PIGK: variants seen among roughly 807,000 people sequenced by gnomAD.
PIGK encodes GPI-anchor transamidase.
Under a neutral mutation model 50.6 loss-of-function variants are expected in PIGK, and 42 were observed. That is an observed-to-expected ratio of 0.83 (90% CI 0.65 to 1.07). The LOEUF is 1.07. PIGK is among the 50% of genes least tolerant of loss of function. The pLI is 0.00. For missense variants in PIGK, 448 were observed against 488.7 expected, an observed-to-expected ratio of 0.92 and a Z score of 0.78; for synonymous variants, 151 against 156.0, an observed-to-expected ratio of 0.97 and a Z score of 0.24.
At chr1:77,169,621 T>C (rs1005957399) in intron 3 of PIGK, among the ~76,000 whole-genome samples, 14 of 152,178 alleles carry the variant, frequency 9.2e-5, no homozygotes, top group African/African-American at 3.1e-4. Flanking sequence ...GAAGGCACTT[T>C]AATTATTTTT....
At chr1:77,148,738 C>T (rs1654826211) in intron 9 of PIGK, among the ~76,000 whole-genome samples, 1 of 147,558 alleles carries the variant, frequency 6.8e-6, no homozygotes, top group Admixed American at 6.8e-5. Flanking sequence ...TTTTTTGAGA[C>T]AGAGTCTTGC....
In PIGK at chr1:77,145,257, A is replaced by C. The variant is rs1394108592; in HGVS notation, c.986+9192T>G. ...CCATATGTTCAATAATGTAATATAT[A>C]CTATAGTAGGTCCTTTACATTTCCA... On this transcript the variant is annotated intron_variant, in intron 9 of 10. Coordinates refer to ENST00000370812, the MANE Select transcript of PIGK (RefSeq NM_005482.3). 3.9e-5 allele frequency among the ~76,000 whole-genome samples: 6 copies of C among 152,092 alleles called. No homozygotes were observed. The Middle Eastern group carries it at 0.01, about 259-fold the overall frequency.
At chr1:77,161,555 T>A in intron 7 of PIGK, 39 bp downstream of exon 7, 1 of 1,027,898 alleles carries the variant, frequency 9.7e-7, no homozygotes, top group Non-Finnish European at 1.6e-6. Flanking sequence ...AGCTGCACAT[T>A]CCAAAGACAC....
intron 10 of PIGK, among the ~76,000 whole-genome samples, chr1:77,107,625 T>G (rs1194431573): frequency 6.6e-6 from 1 of 152,206 alleles, no homozygotes; most frequent in Admixed American, 6.5e-5. Context: ...CAGAGCTGAG[T>G]TCAATTCCTG....
chr1:77,145,283 T>C (rs1263962559), intron 9 of PIGK, among the ~76,000 whole-genome samples: 2 of 151,918 alleles, frequency 1.3e-5, no homozygotes, highest in Non-Finnish European at 2.9e-5. Context: ...TACATTTCCA[T>C]ATAAATTTTG....
At chr1:77,148,560 T>G (rs1654821155) in intron 9 of PIGK, among the ~76,000 whole-genome samples, 1 of 152,110 alleles carries the variant, frequency 6.6e-6, no homozygotes. Flanking sequence ...AACAAAACAA[T>G]TTGTCAACAT....
In PIGK at chr1:77,137,286, C is replaced by A. The variant is rs939487688; in HGVS notation, c.987-14927G>T. Among the ~76,000 whole-genome samples, 14 of 152,294 alleles carry A rather than the reference C, an allele frequency of 9.2e-5. No individual in the cohort carries two copies. The South Asian group carries it at 2.5e-3, about 27-fold the overall frequency. On this transcript the variant is annotated intron_variant, in intron 9 of 10. Coordinates refer to ENST00000370812, the MANE Select transcript of PIGK (RefSeq NM_005482.3). ...CCAAAGATGACAAATTCTGAGAAAG[C>A]ACAACATAAGCTAGAAGAACCATGA... is the stretch of plus-strand genomic sequence containing the variant.
intron 6 of PIGK, among the ~76,000 whole-genome samples, chr1:77,163,580 G>T (rs529022767): frequency 2.2e-4 from 34 of 152,152 alleles, no homozygotes; most frequent in African/African-American, 7.9e-4. Flanking sequence ...TAACTTGGTT[G>T]GAGGGACACT....
intron 9 of PIGK, among the ~76,000 whole-genome samples, chr1:77,133,992 T>C (rs1203426701): frequency 2.0e-5 from 3 of 152,186 alleles, no homozygotes; most frequent in African/African-American, 4.8e-5. Flanking sequence ...TTCTCACCTA[T>C]AGCGCAGAGG....
intron 3 of PIGK, among the ~76,000 whole-genome samples, chr1:77,200,761 A>T (rs1282178860): frequency 6.6e-6 from 1 of 152,156 alleles, no homozygotes; most frequent in East Asian, 1.9e-4. Context: ...TCAAATTGTG[A>T]TCCTATTTTT....
intron 9 of PIGK, among the ~76,000 whole-genome samples, chr1:77,134,263 T>C (rs961651192): frequency 2.6e-5 from 4 of 152,238 alleles, no homozygotes; most frequent in Non-Finnish European, 2.9e-5. Flanking sequence ...TGTCACCTCT[T>C]ACCTGGTACA....
chr1:77,195,292 G>C, intron 3 of PIGK: 2 of 1,342,482 alleles, frequency 1.5e-6, no homozygotes, highest in Non-Finnish European at 2.1e-6. Flanking sequence ...GGAAGGCAAA[G>C]GAGCAGGGAA....
At chr1:77,095,831 C>G (rs1179525857) in intron 10 of PIGK, among the ~76,000 whole-genome samples, 1 of 152,032 alleles carries the variant, frequency 6.6e-6, no homozygotes, top group Non-Finnish European at 1.5e-5. Context: ...ATATAACAAC[C>G]TATTCCTCAG....
At chr1:77,151,342 T>C (rs1359673542) in intron 9 of PIGK, among the ~76,000 whole-genome samples, 1 of 152,138 alleles carries the variant, frequency 6.6e-6, no homozygotes, top group East Asian at 1.9e-4. Flanking sequence ...AGAAGGAACA[T>C]ACATCAACAT....
intron 10 of PIGK, among the ~76,000 whole-genome samples, chr1:77,099,834 G>C (rs778928559): frequency 1.3e-5 from 2 of 150,754 alleles, no homozygotes; most frequent in Non-Finnish European, 3.0e-5. Flanking sequence ...AGGTACTCTA[G>C]TGACTGCCAT....
intron 1 of PIGK, among the ~76,000 whole-genome samples, chr1:77,217,513 T>C (rs1034754886): frequency 1.3e-5 from 2 of 152,164 alleles, no homozygotes; most frequent in African/African-American, 2.4e-5. Context: ...TTGTGGGTCA[T>C]GGTGGAGAGT....
intron 3 of PIGK, among the ~76,000 whole-genome samples, chr1:77,202,511 C>T (rs1220539897): frequency 1.3e-5 from 2 of 152,070 alleles, no homozygotes; most frequent in East Asian, 1.9e-4. Context: ...ATGGCTGGAG[C>T]GTAAGAGACT....
intron 10 of PIGK, among the ~76,000 whole-genome samples, chr1:77,107,082 A>G (rs558282313): frequency 3.9e-5 from 6 of 152,016 alleles, no homozygotes; most frequent in African/African-American, 1.4e-4. Flanking sequence ...TTGTGTCTCT[A>G]TCTCCTTCAG....
chr1:77,160,749 GA>G (rs553117353), intron 8 of PIGK, among the ~76,000 whole-genome samples: 1 of 152,000 alleles, frequency 6.6e-6, no homozygotes, highest in African/African-American at 2.4e-5. Flanking sequence ...AAAAATTCAG[GA>G]AAAAAATCTA....
Sources: gnomAD v4.1 joint callset for allele counts (sites outside exome capture counted in the v4.1 genomes callset) on GRCh38, gnomAD v4.1.1 for gene constraint, MANE v1.5 for transcripts, NCBI Gene and HGNC (gene_info 2026-07-23, HGNC 2026-07-21) for gene names.